Variants in TMEM248 observed in about 807,000 individuals in gnomAD.
TMEM248 encodes transmembrane protein 248, also known as UPF0458 protein C7orf42.
A neutral mutation model predicts 30.3 loss-of-function variants in TMEM248; 9 were observed. That is an observed-to-expected ratio of 0.30 (90% CI 0.18 to 0.52). TMEM248 has a LOEUF of 0.52. Among genes scored for constraint, TMEM248 ranks in the 20% least tolerant of loss-of-function variants. The pLI is 0.97. For missense variants in TMEM248, 338 were observed against 403.3 expected (o/e 0.84, Z 1.39); for synonymous variants, 184 against 154.4 (o/e 1.19, Z -1.42).
At chr7:66,948,392 A>G in intron 3 of TMEM248, 152 bp from the exon 4 acceptor site, 1 of 912,524 alleles carries the variant, frequency 1.1e-6, no homozygotes, top group Non-Finnish European at 1.6e-6. Context: ...GGTCAGGGTC[A>G]GGACTGCTCT....
At chr7:66,934,184 ATTATTATTATTATT>A (rs1315558443) in intron 1 of TMEM248, among the ~76,000 whole-genome samples, 1 of 150,844 alleles carries the variant, frequency 6.6e-6, no homozygotes, top group Admixed American at 6.6e-5. Context: ...GCTTTCTTTT[ATTATTATTATTATT>A]TTATTATTAT....
chr7:66,940,678 G>A (rs1014373715), intron 1 of TMEM248, among the ~76,000 whole-genome samples: 11 of 152,196 alleles, frequency 7.2e-5, no homozygotes, highest in Non-Finnish European at 4.4e-5. Context: ...GGGCTTCTGA[G>A]TCCTGAAAAC....
chr7:66,931,242 G>A (rs1791655716), intron 1 of TMEM248, among the ~76,000 whole-genome samples: 1 of 144,088 alleles, frequency 6.9e-6, no homozygotes, highest in East Asian at 2.1e-4. Flanking sequence ...GGCAGAGGTT[G>A]AGCAGAGATC....
At chr7:66,953,004 G>T (rs1024777828) in intron 5 of TMEM248, among the ~76,000 whole-genome samples, 1 of 152,158 alleles carries the variant, frequency 6.6e-6, no homozygotes, top group Admixed American at 6.5e-5. Context: ...CGCTAGGAAG[G>T]CGTGGTGCTC....
intron 3 of TMEM248, among the ~76,000 whole-genome samples, chr7:66,946,403 C>A (rs1001746639): frequency 6.6e-6 from 1 of 151,894 alleles, no homozygotes; most frequent in African/African-American, 2.4e-5. Flanking sequence ...CATGGTGAAA[C>A]CCCATCTCTA....
intron 4 of TMEM248, among the ~76,000 whole-genome samples, chr7:66,950,183 A>G (rs1355294029): frequency 6.6e-6 from 1 of 151,102 alleles, no homozygotes; most frequent in Non-Finnish European, 1.5e-5. Context: ...CCGAGGTCAC[A>G]CCGGCCTGGG....
At chr7:66,955,427 C>A (rs1480233201) in intron 6 of TMEM248, 75 bp from the exon 7 acceptor site, 1 of 1,564,700 alleles carries the variant, frequency 6.4e-7, no homozygotes, top group Non-Finnish European at 8.8e-7. Context: ...AGTGTGGCAT[C>A]CTGGTCTTTG....
At position 66,929,426 on chromosome 7, in the gene TMEM248, A is replaced by ATTTTTTTTTTTTTTTT. The variant is rs35126436; in HGVS notation, c.-19+7978_-19+7993dup. Among the ~76,000 whole-genome samples the ATTTTTTTTTTTTTTTT allele has an allele frequency of 2.2e-4, 21 of 97,674 alleles. 3 individuals carry two copies. Among genetic ancestry groups the ATTTTTTTTTTTTTTTT allele is most frequent in the East Asian group, 7.4e-4 (2 of 2,714 alleles). The allele number at this position is 97,674 out of a possible 152,430, so 64.1% of individuals were successfully genotyped here. On this transcript the variant is annotated intron_variant, in intron 1 of 6. Coordinates refer to ENST00000341567, the MANE Select transcript of TMEM248 (RefSeq NM_017994.5). ...ACAATATCATGGAAATGAGAGACAAATTTTTTTTTTTTTTTTTTTTTTTTT... is the reference window on the plus strand; with the variant it reads ...ACAATATCATGGAAATGAGAGACAAATTTTTTTTTTTTTTTTTTTTTTTTTTTTTTTTTTTTTTTTT...
intron 1 of TMEM248, among the ~76,000 whole-genome samples, chr7:66,927,974 G>A (rs1791567636): frequency 6.6e-6 from 1 of 152,104 alleles, no homozygotes. Flanking sequence ...CAGCACTTTG[G>A]GAAGCCAAGG....
chr7:66,931,447 C>G (rs1488070133), intron 1 of TMEM248, among the ~76,000 whole-genome samples: 1 of 151,640 alleles, frequency 6.6e-6, no homozygotes, highest in African/African-American at 2.4e-5. Context: ...TGAATGTTAA[C>G]TTACTTTTTT....
At chr7:66,954,706 T>G (rs1380140203) in intron 6 of TMEM248, among the ~76,000 whole-genome samples, 1 of 152,156 alleles carries the variant, frequency 6.6e-6, no homozygotes. Flanking sequence ...AGCCCTCTTT[T>G]GTGTATTTTT....
intron 1 of TMEM248, among the ~76,000 whole-genome samples, chr7:66,934,811 G>T (rs1440588141): frequency 1.3e-5 from 2 of 152,108 alleles, no homozygotes; most frequent in Non-Finnish European, 2.9e-5. Context: ...CAACACTGTG[G>T]GAGGCCAGGG....
chr7:66,945,984 T>C (rs1792091759), intron 3 of TMEM248, among the ~76,000 whole-genome samples: 1 of 151,578 alleles, frequency 6.6e-6, no homozygotes, highest in Non-Finnish European at 1.5e-5. Context: ...CTCGGGTGGC[T>C]GAGGCAGGAG....
rs754642521 is a variant in TMEM248 at position 66,951,072 on chromosome 7, T to C, written c.717T>C (p.Tyr239=). ...YAQDYNPFWC[Y]KGAIGKVYHA... Reference sequence around the variant, plus strand: ...AAGATTACAATCCTTTCTGGTGTTATAAGGGGGCCATTGGAAAAGTCTATC... The same window carrying C: ...AAGATTACAATCCTTTCTGGTGTTACAAGGGGGCCATTGGAAAAGTCTATC... Residue 239 remains tyrosine, a synonymous_variant, in exon 5 of 7, where the codon TAT becomes TAC. Transcript: ENST00000341567. 8.7e-6 allele frequency: 14 copies of C among 1,610,816 alleles called. No homozygotes were observed. Among genetic ancestry groups the C allele is most frequent in the Admixed American group, 5.1e-5 (3 of 58,746 alleles).
In TMEM248 at chr7:66,955,879, G is replaced by A. The variant is rs1792391215; in HGVS notation, c.*357G>A. On this transcript the variant is annotated 3_prime_UTR_variant, in exon 7 of 7. Coordinates refer to ENST00000341567, the MANE Select transcript of TMEM248 (RefSeq NM_017994.5). ...CACAGGAGCATTGCGTCGCTGATGG[G>A]GTTGAAGTTTGGTTTGGTTCTTGTT... is the stretch of plus-strand genomic sequence containing the variant. The A allele has an allele frequency of 8.0e-6, 2 of 250,314 alleles. No individual in the cohort carries two copies. Among genetic ancestry groups the A allele is most frequent in the Non-Finnish European group, 1.5e-5 (2 of 132,258 alleles). 15.5% of individuals were successfully genotyped at this position (250,314 alleles called of 1,614,324 possible).
At chr7:66,941,496 C>T (rs939123089) in intron 1 of TMEM248, among the ~76,000 whole-genome samples, 3 of 151,404 alleles carry the variant, frequency 2.0e-5, no homozygotes, top group African/African-American at 4.9e-5. Flanking sequence ...TCAAGGCTGC[C>T]GTGAGCTATG....
At chr7:66,941,565 C>T (rs1217287028) in intron 1 of TMEM248, among the ~76,000 whole-genome samples, 1 of 108,782 alleles carries the variant, frequency 9.2e-6, no homozygotes. Flanking sequence ...TCTTAAAACA[C>T]ACACACACAC....
At chr7:66,924,899 TG>T (rs1791483871) in intron 1 of TMEM248, among the ~76,000 whole-genome samples, 1 of 148,272 alleles carries the variant, frequency 6.7e-6, no homozygotes, top group Non-Finnish European at 1.5e-5. Context: ...TTAGTAGAGA[TG>T]GGGTTTCGCC....
Position 66,945,007 on chromosome 7 carries a change from A to G in TMEM248, c.191A>G (p.Asp64Gly), listed in dbSNP as rs755295511. The change falls in exon 3 of 7, where the codon GAT becomes GGT. Residue 64 changes from aspartate (D) to glycine (G), a missense_variant. Coordinates refer to ENST00000341567, the MANE Select transcript of TMEM248 (RefSeq NM_017994.5). ...AATACTTTTCTGCTACGGTTCAATGATTTGGACTTGTGTGTATCAGAGAAT... is the reference window on the plus strand; with the variant it reads ...AATACTTTTCTGCTACGGTTCAATGGTTTGGACTTGTGTGTATCAGAGAAT... ...DWNTFLLRFN[D>G]LDLCVSENET... is the part of the protein sequence containing the mutation. The G allele has an allele frequency of 1.9e-6, 3 of 1,614,148 alleles. No homozygotes were observed. The highest frequency in any genetic ancestry group is 2.2e-5 in the East Asian group (1 of 44,882).
Sources: allele counts gnomAD v4.1 joint callset (sites outside exome capture counted in the v4.1 genomes callset), GRCh38; gene constraint gnomAD v4.1.1; transcripts MANE v1.5; gene names NCBI Gene and HGNC (gene_info 2026-07-23, HGNC 2026-07-21).